The following MMD2 variants were observed in gnomAD, a reference collection of about 807,000 sequenced individuals.
MMD2 encodes the protein monocyte to macrophage differentiation associated 2.
A neutral mutation model predicts 33.5 loss-of-function variants in MMD2; 30 were observed. That is an observed-to-expected ratio of 0.90 (90% CI 0.67 to 1.22). The LOEUF is 1.22. Among genes scored for constraint, MMD2 ranks in the 50% most tolerant of loss-of-function variants. The pLI is 0.00. For synonymous variants in MMD2, 129 were observed against 123.0 expected (o/e 1.05, Z -0.32); for missense variants, 364 against 325.4 (o/e 1.12, Z -0.91).
chr7:4,933,430 C>A (rs937520474), intron 1 of MMD2, among the ~76,000 whole-genome samples: 4 of 152,092 alleles, frequency 2.6e-5, no homozygotes, highest in African/African-American at 9.7e-5. Context: ...CTAAATGTAA[C>A]GTTATCTTTC....
At chr7:4,929,792 G>C (rs1379797136) in intron 1 of MMD2, among the ~76,000 whole-genome samples, 1 of 152,016 alleles carries the variant, frequency 6.6e-6, no homozygotes, top group East Asian at 1.9e-4. Flanking sequence ...CAAAGTGCTA[G>C]GACTACAGGC....
intron 1 of MMD2, among the ~76,000 whole-genome samples, chr7:4,935,125 G>A (rs1785702237): frequency 3.9e-5 from 6 of 152,024 alleles, no homozygotes; most frequent in Admixed American, 3.9e-4. Flanking sequence ...GGCAGAGGTT[G>A]CACGGAGCCG....
At chr7:4,942,192 G>A (rs773917888) in intron 1 of MMD2, among the ~76,000 whole-genome samples, 25 of 151,994 alleles carry the variant, frequency 1.6e-4, no homozygotes, top group Non-Finnish European at 2.5e-4. Context: ...GACCTCAGAT[G>A]ATCCACTGCC....
intron 1 of MMD2, among the ~76,000 whole-genome samples, chr7:4,926,799 C>G (rs1037393591): frequency 1.3e-5 from 2 of 151,812 alleles, no homozygotes; most frequent in Admixed American, 1.3e-4. Context: ...GGCTGGAGTG[C>G]AGTGGTGCGA....
chr7:4,907,688 A>C, intron 6 of MMD2, 89 bp from the exon 7 acceptor site: 1 of 1,358,070 alleles, frequency 7.4e-7, no homozygotes, highest in Admixed American at 1.8e-5. Flanking sequence ...CCAAAACCAA[A>C]AGACATGCAG....
At chr7:4,937,280 C>T (rs1785767936) in intron 1 of MMD2, among the ~76,000 whole-genome samples, 1 of 151,430 alleles carries the variant, frequency 6.6e-6, no homozygotes, top group Admixed American at 6.6e-5. Context: ...ACCTGTAATC[C>T]CAGCTACTTG....
chr7:4,925,423 G>T, intron 2 of MMD2, 28 bp downstream of exon 2: 1 of 1,490,870 alleles, frequency 6.7e-7, no homozygotes, highest in Non-Finnish European at 9.0e-7. Context: ...CCCCATCTCA[G>T]CCCTGAGCCC....
At chr7:4,944,792 G>C (rs1421357700) in intron 1 of MMD2, among the ~76,000 whole-genome samples, 2 of 92,520 alleles carry the variant, frequency 2.2e-5, no homozygotes, top group African/African-American at 8.7e-5. Context: ...TTTTGAGACA[G>C]AGTCTTGCTT....
intron 6 of MMD2, 134 bp from the exon 7 acceptor site, chr7:4,907,733 C>G: frequency 1.4e-6 from 1 of 718,270 alleles, no homozygotes; most frequent in Admixed American, 2.4e-5. Flanking sequence ...GGTGGGAAGC[C>G]TCAACACTGA....
chr7:4,938,418 G>T (rs1444143104), intron 1 of MMD2, among the ~76,000 whole-genome samples: 1 of 152,082 alleles, frequency 6.6e-6, no homozygotes, highest in Non-Finnish European at 1.5e-5. Context: ...CCGAGGCAGT[G>T]TGGGGCATCC....
chr7:4,923,139 C>A (rs1444466544), intron 2 of MMD2, among the ~76,000 whole-genome samples: 1 of 150,898 alleles, frequency 6.6e-6, no homozygotes, highest in Non-Finnish European at 1.5e-5. Flanking sequence ...CTCATTCTGT[C>A]CTGCACTCAA....
intron 1 of MMD2, among the ~76,000 whole-genome samples, chr7:4,930,782 G>A (rs912479449): frequency 2.0e-4 from 31 of 152,216 alleles, no homozygotes; most frequent in African/African-American, 6.3e-4. Flanking sequence ...CCGCTGCTGT[G>A]TCGTCACCTG....
Position 4,907,941 on chromosome 7 carries a change from AC to A in MMD2, c.538-343del, listed in dbSNP as rs373286012. 1.4e-3 allele frequency among the ~76,000 whole-genome samples: 208 copies of A among 152,170 alleles called. 1 individual carries two copies. Among genetic ancestry groups the A allele is most frequent in the African/African-American group, 4.3e-3 (180 of 41,528 alleles). ...CTCAGCCTCCCCAGTAGCTGGGACT[AC>A]AGATATCCCATGGCACAACCATGCC... On this transcript the variant is annotated intron_variant, in intron 6 of 6. Transcript: ENST00000401401.
At chr7:4,897,220 T>A in the MMD2 span, among the ~76,000 whole-genome samples, 1 of 146,046 alleles carries the variant, frequency 6.8e-6, no homozygotes, top group African/African-American at 2.6e-5. Flanking sequence ...TTGGCAGGTG[T>A]TATATTTAAA....
the MMD2 span, among the ~76,000 whole-genome samples, chr7:4,895,912 G>A: frequency 6.6e-6 from 1 of 152,088 alleles, no homozygotes; most frequent in African/African-American, 2.4e-5. Flanking sequence ...CAAATTCTAA[G>A]CCTGTTTAGC....
the MMD2 span, among the ~76,000 whole-genome samples, chr7:4,897,581 G>T: frequency 3.3e-5 from 5 of 152,326 alleles, no homozygotes; most frequent in South Asian, 8.3e-4. Context: ...GCAGAGGTGG[G>T]AAAGCTCCTA....
intron 1 of MMD2, among the ~76,000 whole-genome samples, chr7:4,955,010 T>C (rs1786346248): frequency 6.6e-6 from 1 of 152,136 alleles, no homozygotes; most frequent in Admixed American, 6.6e-5. Flanking sequence ...ACACCATCTT[T>C]GGTAAAAATA....
Position 4,907,307 on chromosome 7 carries a change from G to A in MMD2, c.*89C>T, listed in dbSNP as rs1339367300. 2.3e-6 allele frequency: 3 copies of A among 1,311,052 alleles called. No individual in the cohort carries two copies. The highest frequency in any genetic ancestry group is 2.2e-6 in the Non-Finnish European group (2 of 916,578). The allele number at this position is 1,311,052 out of a possible 1,614,324, so 81.2% of individuals were successfully genotyped here. A position where few individuals can be genotyped will look rare whatever the true frequency, so the allele number is the denominator to read the frequency against. On this transcript the variant is annotated 3_prime_UTR_variant, in exon 7 of 7. Coordinates refer to ENST00000401401, the MANE Select transcript of MMD2 (RefSeq NM_198403.4). ...CAAGAACTCTACCCAATAAAGGGAA[G>A]ACAGGCCTTGGCGCTGTGCTCTGGG...
intron 1 of MMD2, among the ~76,000 whole-genome samples, chr7:4,955,328 A>G (rs1233907198): frequency 6.6e-6 from 1 of 152,352 alleles, no homozygotes. Flanking sequence ...TACTTACATC[A>G]AAGACTCTAG....
Sources: allele counts gnomAD v4.1 joint callset (sites outside exome capture counted in the v4.1 genomes callset), GRCh38; gene constraint gnomAD v4.1.1; transcripts MANE v1.5; gene names NCBI Gene and HGNC (gene_info 2026-07-23, HGNC 2026-07-21).